GALNT18: variants seen among roughly 807,000 people sequenced by gnomAD.
The protein encoded by GALNT18 is GalNAc-transferase 18.
In GALNT18, 44 loss-of-function variants were observed where a neutral mutation model predicts 69.5. The ratio of observed to expected loss-of-function variants is 0.63; its 90% confidence interval spans 0.50 to 0.81. The LOEUF (loss-of-function observed/expected upper bound fraction) is 0.81, where lower values mean the gene tolerates loss of function less well. Ranked by LOEUF, GALNT18 falls within the 40% of genes least tolerant of loss-of-function variation. The pLI, the probability that GALNT18 is intolerant of heterozygous loss-of-function variation, is 0.00. For synonymous variants in GALNT18, 364 were observed against 318.2 expected (o/e 1.14, Z -1.53); for missense variants, 715 against 810.0 (o/e 0.88, Z 1.42).
Position 11,613,115 on chromosome 11 carries a change from C to G in GALNT18, c.235+8244G>C, listed in dbSNP as rs938193989. Reference sequence around the variant, plus strand: ...AGAGAACTACATCTCAGTACTGCATCCCCACTGGGACGAACTGTCTAGCAA... The same window carrying G: ...AGAGAACTACATCTCAGTACTGCATGCCCACTGGGACGAACTGTCTAGCAA... On this transcript the variant is annotated intron_variant, in intron 1 of 10. Coordinates refer to ENST00000227756, the MANE Select transcript of GALNT18 (RefSeq NM_198516.3). This position sits in a 1 kb window ranked among gnomAD's most constrained non-coding sequence, Gnocchi z 4.2. Among the ~76,000 whole-genome samples, 6 of 152,218 alleles carry G rather than the reference C, an allele frequency of 3.9e-5. No homozygotes were observed. The highest frequency in any genetic ancestry group is 3.8e-4 in the East Asian group (2 of 5,200).
chr11:11,443,441 T>G (rs992577238), intron 2 of GALNT18, among the ~76,000 whole-genome samples: 9 of 152,114 alleles, frequency 5.9e-5, no homozygotes, highest in African/African-American at 2.2e-4. Context: ...AGTTTTGGCA[T>G]GTGTACGCCT....
At chr11:11,509,359 G>A (rs1857126335) in intron 1 of GALNT18, among the ~76,000 whole-genome samples, 1 of 152,010 alleles carries the variant, frequency 6.6e-6, no homozygotes, top group Non-Finnish European at 1.5e-5. Context: ...TAGAACTGCT[G>A]GAATTGTTTT....
chr11:11,278,441 C>T (rs1472002939), intron 10 of GALNT18, among the ~76,000 whole-genome samples: 1 of 151,668 alleles, frequency 6.6e-6, no homozygotes, highest in African/African-American at 2.4e-5. Context: ...TGCAGCAAAC[C>T]ACCATGGCAC....
At chr11:11,289,832 C>T (rs1849265714) in intron 10 of GALNT18, among the ~76,000 whole-genome samples, 2 of 152,180 alleles carry the variant, frequency 1.3e-5, no homozygotes, top group Non-Finnish European at 2.9e-5. Flanking sequence ...GCCATGTGAT[C>T]TTGGAGGGTG....
intron 9 of GALNT18, among the ~76,000 whole-genome samples, chr11:11,312,043 A>G (rs1406265093): frequency 6.6e-6 from 1 of 151,964 alleles, no homozygotes; most frequent in East Asian, 1.9e-4. Context: ...TGCAAGCTCT[A>G]CCTCCCGGGT....
chr11:11,530,278 T>G (rs1329106636), intron 1 of GALNT18, among the ~76,000 whole-genome samples: 1 of 152,206 alleles, frequency 6.6e-6, no homozygotes, highest in African/African-American at 2.4e-5. Context: ...GCAATTTTTT[T>G]TAAGTGAACA....
At chr11:11,539,291 CA>C (rs200081904) in intron 1 of GALNT18, among the ~76,000 whole-genome samples, 3,514 of 152,304 alleles carry the variant, frequency 0.023, 146 homozygotes, top group African/African-American at 0.081. Context: ...CTGCCTCCCC[CA>C]CAGTCTTCCC....
At position 11,432,674 on chromosome 11, in the gene GALNT18, G is replaced by T; in HGVS notation, c.542C>A (p.Thr181Lys). 6.2e-7 allele frequency: 1 copy of T among 1,612,792 alleles called. No homozygotes were observed. Among genetic ancestry groups the T allele is most frequent in the Non-Finnish European group, 8.5e-7 (1 of 1,179,480 alleles). The change falls in exon 3 of 11, where the codon ACG becomes AAG. Residue 181 changes from threonine to lysine, a missense_variant. Transcript: ENST00000227756. This position sits in a 1 kb window ranked among gnomAD's most constrained non-coding sequence, Gnocchi z 5.8. Reference sequence around the variant, plus strand: ...GATCTCCTTGAGCAGATGTGGGGGCGTGCGTTCCATGGCCGAGTGGATGGA... The same window carrying T: ...GATCTCCTTGAGCAGATGTGGGGGCTTGCGTTCCATGGCCGAGTGGATGGA... Reference protein sequence around the residue: ...LRSIHSAMERTPPHLLKEIIL... With the variant: ...LRSIHSAMERKPPHLLKEIIL...
At chr11:11,549,887 C>T (rs1363310225) in intron 1 of GALNT18, among the ~76,000 whole-genome samples, 1 of 152,184 alleles carries the variant, frequency 6.6e-6, no homozygotes, top group Non-Finnish European at 1.5e-5. Context: ...GGGAGGAAGT[C>T]ATGCTGGGGA....
In GALNT18 at chr11:11,340,072, A is replaced by T. The variant is rs1850176745; in HGVS notation, c.1278+747T>A. On this transcript the variant is annotated intron_variant, in intron 7 of 10. Coordinates refer to ENST00000227756, the MANE Select transcript of GALNT18 (RefSeq NM_198516.3). This position sits in a 1 kb window ranked among gnomAD's most constrained non-coding sequence, Gnocchi z 4.2. ...TGAACTCTAGGCAGACAGGCTGGTA[A>T]GTGGGTTGGAATCATGTGGCTGGCA... is the stretch of plus-strand genomic sequence containing the variant. Among the ~76,000 whole-genome samples the T allele has an allele frequency of 7.2e-6, 1 of 139,658 alleles. No homozygotes were observed. Among genetic ancestry groups the T allele is most frequent in the Non-Finnish European group, 1.5e-5 (1 of 64,860 alleles). 91.6% of individuals were successfully genotyped at this position (139,658 alleles called of 152,430 possible). A position where few individuals can be genotyped will look rare whatever the true frequency, so the allele number is the denominator to read the frequency against.
At chr11:11,385,164 C>T (rs563227039) in intron 3 of GALNT18, among the ~76,000 whole-genome samples, 3 of 152,006 alleles carry the variant, frequency 2.0e-5, no homozygotes, top group Non-Finnish European at 4.4e-5. Context: ...TATCAGCTGT[C>T]ATGGGAACTA....
At chr11:11,352,509 A>G (rs1420192183) in intron 6 of GALNT18, 1 of 1,614,072 alleles carries the variant, frequency 6.2e-7, no homozygotes, top group Non-Finnish European at 8.5e-7. Context: ...CTGATAGTCT[A>G]CAAGTAGCTC....
intron 9 of GALNT18, among the ~76,000 whole-genome samples, chr11:11,308,394 T>C (rs1849613798): frequency 1.3e-5 from 2 of 152,294 alleles, no homozygotes; most frequent in Admixed American, 1.3e-4. Flanking sequence ...TTATCCTCAC[T>C]CCACCCCTGA....
intron 1 of GALNT18, among the ~76,000 whole-genome samples, chr11:11,467,029 T>C (rs948640005): frequency 4.6e-5 from 7 of 152,166 alleles, no homozygotes; most frequent in African/African-American, 1.7e-4. Context: ...TAATAAAAGA[T>C]GGAAAATGAA....
In GALNT18 at chr11:11,430,856, T is replaced by TC. The variant is rs1288382036; in HGVS notation, c.595+1764dup. ...ATTTCCCTTCTTCAAGATGCCCTTT[T>TC]CCCCCGCCAATATAATAAAGCATGA... is the stretch of plus-strand genomic sequence containing the variant. On this transcript the variant is annotated intron_variant, in intron 3 of 10. Coordinates refer to ENST00000227756, the MANE Select transcript of GALNT18 (RefSeq NM_198516.3). The surrounding 1 kb of genome is among the most constrained non-coding windows in gnomAD (Gnocchi z 4.9). Among the ~76,000 whole-genome samples, 2 of 151,974 alleles carry TC rather than the reference T, an allele frequency of 1.3e-5. No individual in the cohort carries two copies. The highest frequency in any genetic ancestry group is 4.8e-5 in the African/African-American group (2 of 41,396).
chr11:11,582,254 C>A lies in GALNT18; in HGVS notation c.235+39105G>T, dbSNP rs1334293930. On this transcript the variant is annotated intron_variant, in intron 1 of 10. Coordinates refer to ENST00000227756, the MANE Select transcript of GALNT18 (RefSeq NM_198516.3). This position sits in a 1 kb window ranked among gnomAD's most constrained non-coding sequence, Gnocchi z 5.0. Reference sequence around the variant, plus strand: ...AACAGCACAAGCTGATGGGTCAGAGCAGAATGAGAGGCTTCAGAGAGTGGA... The same window carrying A: ...AACAGCACAAGCTGATGGGTCAGAGAAGAATGAGAGGCTTCAGAGAGTGGA... Among the ~76,000 whole-genome samples the A allele has an allele frequency of 6.6e-6, 1 of 152,154 alleles. No individual in the cohort carries two copies. Among genetic ancestry groups the A allele is most frequent in the Non-Finnish European group, 1.5e-5 (1 of 68,026 alleles).
rs181154263 is a variant in GALNT18 at position 11,309,202 on chromosome 11, C to T, written c.1513-16009G>A. Among the ~76,000 whole-genome samples, 24 of 152,322 alleles carry T rather than the reference C, an allele frequency of 1.6e-4. No homozygotes were observed. The highest frequency in any genetic ancestry group is 1.2e-3 in the Admixed American group (19 of 15,310). ...TTTCTACACTTCCACCATGGGATGA[C>T]ACCACAAGAAGGCCCTCACCGGATG... is the stretch of plus-strand genomic sequence containing the variant. On this transcript the variant is annotated intron_variant, in intron 9 of 10. Transcript: ENST00000227756. This position sits in a 1 kb window ranked among gnomAD's most constrained non-coding sequence, Gnocchi z 4.6.
chr11:11,381,888 A>G (rs888451727), intron 3 of GALNT18, among the ~76,000 whole-genome samples: 3 of 152,204 alleles, frequency 2.0e-5, no homozygotes, highest in Admixed American at 2.0e-4. Flanking sequence ...TTCACACCAT[A>G]ACTTCTGGAA....
chr11:11,423,203 CATGAAT>C (rs1316847780), intron 3 of GALNT18, among the ~76,000 whole-genome samples: 1 of 152,230 alleles, frequency 6.6e-6, no homozygotes, highest in Non-Finnish European at 1.5e-5. Flanking sequence ...CACTTGTATG[CATGAAT>C]ATGAACACAT....
Sources: allele counts gnomAD v4.1 joint callset (sites outside exome capture counted in the v4.1 genomes callset), GRCh38; gene constraint gnomAD v4.1.1; non-coding constraint Gnocchi (gnomAD v3.1); transcripts MANE v1.5; gene names NCBI Gene and HGNC (gene_info 2026-07-23, HGNC 2026-07-21).